Variants in TECR observed in about 807,000 individuals in gnomAD.
TECR encodes trans-2,3-enoyl-CoA reductase.
Under a neutral mutation model 50.6 loss-of-function variants are expected in TECR, and 19 were observed. That is an observed-to-expected ratio of 0.38 (90% CI 0.26 to 0.55). The LOEUF is 0.55. TECR is among the 20% of genes least tolerant of loss of function. The probability of loss-of-function intolerance (pLI) is 0.79; values close to 1 mark genes in which losing one functional copy is unlikely to be tolerated. For synonymous variants in TECR, 168 were observed against 163.5 expected, an observed-to-expected ratio of 1.03 and a Z score of -0.21; for missense variants, 313 against 408.3, an observed-to-expected ratio of 0.77 and a Z score of 2.01.
intron 1 of TECR, among the ~76,000 whole-genome samples, chr19:14,558,035 G>T (rs960535286): frequency 6.6e-6 from 1 of 151,862 alleles, no homozygotes; most frequent in African/African-American, 2.4e-5. Context: ...CATTACAGGC[G>T]TGAGCCACCA....
At position 14,564,029 on chromosome 19, in the gene TECR, C is replaced by T. The variant is rs540028975; in HGVS notation, c.315C>T (p.Phe105=). The stretch of plus-strand genomic sequence containing the variant: ...GGCCCCTTTTCATCTACCTGCTCTT[C>T]TACTTCCGAGTGCCCTTCATCTATG... ...YAGPLFIYLL[F]YFRVPFIYGH... is the part of the protein sequence containing the mutation. Residue 105 remains phenylalanine, a synonymous_variant, in exon 6 of 13, where the codon TTC becomes TTT. Coordinates refer to ENST00000215567, the MANE Select transcript of TECR (RefSeq NM_138501.6). The T allele has an allele frequency of 4.3e-6, 7 of 1,613,998 alleles. No homozygotes were observed. The East Asian group carries it at 1.3e-4, about 31-fold the overall frequency.
At chr19:14,540,791 G>C (rs982003013) in intron 1 of TECR, among the ~76,000 whole-genome samples, 2 of 152,174 alleles carry the variant, frequency 1.3e-5, no homozygotes, top group Non-Finnish European at 2.9e-5. Context: ...GGCCTCCCAA[G>C]TAGCTGGGAC....
intron 1 of TECR, among the ~76,000 whole-genome samples, chr19:14,538,350 C>T (rs541504731): frequency 4.6e-5 from 7 of 151,976 alleles, no homozygotes; most frequent in African/African-American, 1.5e-4. Context: ...GCCAGGATAA[C>T]GACACCTGGG....
intron 1 of TECR, among the ~76,000 whole-genome samples, chr19:14,547,343 C>CTATTTTATTT (rs149850437): frequency 6.6e-6 from 1 of 151,592 alleles, no homozygotes; most frequent in African/African-American, 2.4e-5. Context: ...CGTACCTGGC[C>CTATTTTATTT]TATTTTATTT....
intron 1 of TECR, 103 bp from the exon 2 acceptor site, chr19:14,562,422 C>T (rs2073931118): frequency 7.6e-7 from 1 of 1,316,496 alleles, no homozygotes; most frequent in Non-Finnish European, 1.1e-6. Context: ...GCTTGTTGGC[C>T]CGGGAGGCCA....
intron 1 of TECR, chr19:14,562,260 G>A (rs999846846): frequency 3.6e-5 from 22 of 605,364 alleles, no homozygotes; most frequent in South Asian, 2.0e-4. Flanking sequence ...TTCCAGCACC[G>A]CGGCAGAATT....
intron 1 of TECR, among the ~76,000 whole-genome samples, chr19:14,558,364 C>T (rs185031762): frequency 7.9e-5 from 12 of 152,284 alleles, no homozygotes; most frequent in African/African-American, 2.2e-4. Context: ...CTGTTGCTTG[C>T]GGCACTCCCC....
At chr19:14,556,727 C>A (rs2146615902) in intron 1 of TECR, among the ~76,000 whole-genome samples, 1 of 152,338 alleles carries the variant, frequency 6.6e-6, no homozygotes, top group South Asian at 2.1e-4. Flanking sequence ...CCATTCTGCA[C>A]CAGAGCTGTC....
At chr19:14,533,225 A>G (rs2072739201) in intron 1 of TECR, among the ~76,000 whole-genome samples, 1 of 152,196 alleles carries the variant, frequency 6.6e-6, no homozygotes, top group Admixed American at 6.6e-5. Context: ...GTTTGAGACC[A>G]GCCTGGCCAA....
intron 1 of TECR, chr19:14,530,290 A>G (rs2072583078): frequency 6.2e-6 from 1 of 160,402 alleles, no homozygotes; most frequent in Non-Finnish European, 1.4e-5. Context: ...GGTGTCACCA[A>G]GGAGAAATCT....
intron 1 of TECR, among the ~76,000 whole-genome samples, chr19:14,534,394 G>T (rs2072787002): frequency 2.1e-5 from 3 of 142,340 alleles, no homozygotes; most frequent in Admixed American, 1.4e-4. Flanking sequence ...AGGGTGCTGG[G>T]ATTACAGGAG....
At position 14,563,509 on chromosome 19, in the gene TECR, G is replaced by A. The variant is rs2073966918; in HGVS notation, c.119-149G>A. ...TGGCTTGTGTCCTGAAACCGCACAA[G>A]CCTGAGGGTTTGCCCCCAGGTGGGA... On this transcript the variant is annotated intron_variant, in intron 3 of 12. Coordinates refer to ENST00000215567, the MANE Select transcript of TECR (RefSeq NM_138501.6). This position sits in a 1 kb window ranked among gnomAD's most constrained non-coding sequence, Gnocchi z 5.3. 1 of 1,052,728 alleles carries A rather than the reference G, an allele frequency of 9.5e-7. No homozygotes were observed. Among genetic ancestry groups the A allele is most frequent in the Non-Finnish European group, 1.4e-6 (1 of 701,196 alleles). The allele number at this position is 1,052,728 out of a possible 1,614,324, so 65.2% of individuals were successfully genotyped here. A position where few individuals can be genotyped will look rare whatever the true frequency, so the allele number is the denominator to read the frequency against.
intron 1 of TECR, among the ~76,000 whole-genome samples, chr19:14,555,729 C>T (rs189751920): frequency 1.3e-5 from 2 of 152,150 alleles, no homozygotes; most frequent in African/African-American, 2.4e-5. Context: ...GTGTGAGTCA[C>T]CATGCGTGGA....
Position 14,564,106 on chromosome 19 carries a change from G to T in TECR, c.383+9G>T. Reference sequence around the variant, plus strand: ...CGGCATACAGTGGTGCAGTAAGTGGGGCAGGTGGGAGGAGGGTAGGGGAAG... The same window carrying T: ...CGGCATACAGTGGTGCAGTAAGTGGTGCAGGTGGGAGGAGGGTAGGGGAAG... On this transcript the variant is annotated intron_variant, in intron 6 of 12. Transcript: ENST00000215567. The T allele has an allele frequency of 6.2e-7, 1 of 1,610,478 alleles. No homozygotes were observed. Among genetic ancestry groups the T allele is most frequent in the Non-Finnish European group, 8.5e-7 (1 of 1,179,788 alleles).
rs1446278018 is a variant in TECR, at chr19:14,563,500, AC to A, written c.119-156del. 1.0e-6 allele frequency: 1 copy of A among 996,298 alleles called. No homozygotes were observed. The highest frequency in any genetic ancestry group is 1.5e-6 in the Non-Finnish European group (1 of 656,060). 61.7% of individuals were successfully genotyped at this position (996,298 alleles called of 1,614,324 possible). A position where few individuals can be genotyped will look rare whatever the true frequency, so the allele number is the denominator to read the frequency against. On this transcript the variant is annotated intron_variant, in intron 3 of 12. Transcript: ENST00000215567. The surrounding 1 kb of genome is among the most constrained non-coding windows in gnomAD (Gnocchi z 5.3). The stretch of plus-strand genomic sequence containing the variant: ...GCGCTCTTCTGGCTTGTGTCCTGAA[AC>A]CGCACAAGCCTGAGGGTTTGCCCCC...
In TECR at chr19:14,563,917, C is replaced by T. The variant is rs778131219; in HGVS notation, c.267+14C>T. 13 of 1,613,892 alleles carry T rather than the reference C, an allele frequency of 8.1e-6. No homozygotes were observed. The highest frequency in any genetic ancestry group is 1.0e-5 in the Non-Finnish European group (12 of 1,179,906). The stretch of plus-strand genomic sequence containing the variant: ...AGCTGGGTGACGGTGAGTCCTGACC[C>T]TACCCACGGCCTCTTTTCCCGTCAG... On this transcript the variant is annotated intron_variant, in intron 5 of 12. Coordinates refer to ENST00000215567, the MANE Select transcript of TECR (RefSeq NM_138501.6). The surrounding 1 kb of genome is among the most constrained non-coding windows in gnomAD (Gnocchi z 5.3).
chr19:14,551,577 T>G (rs2073507152), intron 1 of TECR, among the ~76,000 whole-genome samples: 1 of 152,142 alleles, frequency 6.6e-6, no homozygotes, highest in South Asian at 2.1e-4. Context: ...CCCCTGCTTT[T>G]CTAGGCCCAT....
At chr19:14,529,563 G>A (rs565220991), upstream of TECR, 4 of 1,392,914 alleles carry the variant, frequency 2.9e-6, no homozygotes, top group African/African-American at 4.3e-5. Context: ...GGCGCGCGCG[G>A]CCTGGAGGGG....
intron 11 of TECR, 86 bp downstream of exon 11, chr19:14,565,376 G>A: frequency 6.5e-7 from 1 of 1,543,966 alleles, no homozygotes; most frequent in Non-Finnish European, 8.9e-7. Context: ...GCCTGGCTGG[G>A]CAGCTGCTTT....
Sources: gnomAD v4.1 joint callset for allele counts (sites outside exome capture counted in the v4.1 genomes callset) on GRCh38, gnomAD v4.1.1 for gene constraint, Gnocchi (gnomAD v3.1) non-coding constraint, MANE v1.5 for transcripts, NCBI Gene and HGNC (gene_info 2026-07-23, HGNC 2026-07-21) for gene names.